CENPP: variants seen among roughly 807,000 people sequenced by gnomAD.
CENPP encodes the protein centromere protein P.
CENPP carries 24 observed loss-of-function variants against 35.6 expected under a neutral mutation model. The ratio of observed to expected loss-of-function variants is 0.67; its 90% CI spans 0.49 to 0.95. The LOEUF (loss-of-function observed/expected upper bound fraction) is 0.95, where lower values mean the gene tolerates loss of function less well. CENPP is among the 40% of genes least tolerant of loss of function. The pLI is 0.00. For missense variants in CENPP, 332 were observed against 345.3 expected, an observed-to-expected ratio of 0.96 and a Z score of 0.31; for synonymous variants, 120 against 125.5, an observed-to-expected ratio of 0.96 and a Z score of 0.29.
At chr9:92,601,554 T>G (rs1040112814) in intron 5 of CENPP, among the ~76,000 whole-genome samples, 5 of 152,196 alleles carry the variant, frequency 3.3e-5, no homozygotes, top group African/African-American at 1.2e-4. Flanking sequence ...AGCCCTCATT[T>G]AAACGCCACG....
At chr9:92,418,519 T>C (rs1267397525) in intron 5 of CENPP, among the ~76,000 whole-genome samples, 1 of 152,110 alleles carries the variant, frequency 6.6e-6, no homozygotes, top group Non-Finnish European at 1.5e-5. Context: ...AGATCTATGA[T>C]AATAGCATGA....
intron 5 of CENPP, among the ~76,000 whole-genome samples, chr9:92,438,586 G>T (rs891197166): frequency 6.6e-6 from 1 of 152,118 alleles, no homozygotes; most frequent in African/African-American, 2.4e-5. Flanking sequence ...TTTTGAGATT[G>T]GTGTGTCTAC....
chr9:92,375,710 T>G (rs1175307921), intron 4 of CENPP, among the ~76,000 whole-genome samples: 2 of 152,186 alleles, frequency 1.3e-5, no homozygotes, highest in African/African-American at 4.8e-5. Flanking sequence ...TAAAAAAATT[T>G]CTCTCTTTAT....
intron 5 of CENPP, among the ~76,000 whole-genome samples, chr9:92,551,931 A>G (rs866773352): frequency 0.032 from 2,101 of 65,878 alleles, 130 homozygotes; most frequent in African/African-American, 0.16. Flanking sequence ...GTGTGTATAT[A>G]TATATATATA....
chr9:92,594,772 T>C lies in CENPP; in HGVS notation c.565-16542T>C, dbSNP rs1234550679. On this transcript the variant is annotated intron_variant, in intron 5 of 7. Transcript: ENST00000375587. ...GAGTTTGAGACCATCCTGGACAACA[T>C]AGCAAGACCCCATCTCTACAAACAT... 5.9e-5 allele frequency among the ~76,000 whole-genome samples: 9 copies of C among 152,080 alleles called. No individual in the cohort carries two copies. The East Asian group carries it at 1.5e-3, about 26-fold the overall frequency.
At chr9:92,386,401 TTG>T in intron 5 of CENPP, 1 of 702,240 alleles carries the variant, frequency 1.4e-6, no homozygotes, top group Non-Finnish European at 2.5e-6. Context: ...ATATACAGAC[TTG>T]CATATTGATA....
chr9:92,512,087 C>T, intron 5 of CENPP: 2 of 1,613,754 alleles, frequency 1.2e-6, no homozygotes, highest in East Asian at 2.2e-5. Flanking sequence ...ATTTGGTAAT[C>T]CATTAAATGC....
intron 5 of CENPP, among the ~76,000 whole-genome samples, chr9:92,409,395 T>C (rs1843386925): frequency 6.6e-6 from 1 of 152,230 alleles, no homozygotes; most frequent in Non-Finnish European, 1.5e-5. Context: ...AAAAATTATG[T>C]AGAACAGACA....
chr9:92,509,670 T>C (rs904594775), intron 5 of CENPP, among the ~76,000 whole-genome samples: 1 of 152,232 alleles, frequency 6.6e-6, no homozygotes, highest in Non-Finnish European at 1.5e-5. Context: ...CCTGGAATCA[T>C]TGAGAAACAA....
intron 3 of CENPP, among the ~76,000 whole-genome samples, chr9:92,344,594 C>T (rs185616450): frequency 6.6e-6 from 1 of 152,128 alleles, no homozygotes; most frequent in Non-Finnish European, 1.5e-5. Context: ...GTTGCGCAGG[C>T]TGTAGTGCAG....
At chr9:92,599,372 G>A (rs1306291971) in intron 5 of CENPP, among the ~76,000 whole-genome samples, 2 of 152,074 alleles carry the variant, frequency 1.3e-5, no homozygotes, top group African/African-American at 2.4e-5. Context: ...GTGCCATACG[G>A]GAGGGATTGT....
At position 92,619,801 on chromosome 9, in the gene CENPP, C is replaced by CA. The variant is rs1199968492; in HGVS notation, c.*6653dup. The CA allele has an allele frequency of 1.8e-6, 1 of 547,338 alleles. No homozygotes were observed. The highest frequency in any genetic ancestry group is 1.9e-5 in the African/African-American group (1 of 52,928). 33.9% of individuals were successfully genotyped at this position (547,338 alleles called of 1,614,324 possible). A position where few individuals can be genotyped will look rare whatever the true frequency, so the allele number is the denominator to read the frequency against. On this transcript the variant is annotated 3_prime_UTR_variant, in exon 8 of 8. Coordinates refer to ENST00000375587, the MANE Select transcript of CENPP (RefSeq NM_001012267.3). ...AGGCCAGCACCGCCCCCTGACCTCT[C>CA]ACGGCAAGCAGTGTGGGACCCCGAC...
chr9:92,532,527 T>G (rs1482124142), intron 5 of CENPP, among the ~76,000 whole-genome samples: 2 of 152,138 alleles, frequency 1.3e-5, no homozygotes, highest in Non-Finnish European at 2.9e-5. Context: ...TTGTATTTTT[T>G]GTTTGTCTAT....
intron 3 of CENPP, among the ~76,000 whole-genome samples, chr9:92,342,559 TTCTC>T (rs917474013): frequency 2.0e-5 from 3 of 151,998 alleles, no homozygotes; most frequent in Admixed American, 2.0e-4. Flanking sequence ...AACTCTCACT[TTCTC>T]TCTGAGCCTT....
chr9:92,345,836 C>T (rs774342804), intron 4 of CENPP, 49 bp downstream of exon 4: 6 of 1,111,934 alleles, frequency 5.4e-6, no homozygotes, highest in African/African-American at 3.1e-5. Context: ...AGTAAATTTA[C>T]ACTTTACAGT....
intron 5 of CENPP, among the ~76,000 whole-genome samples, chr9:92,564,282 G>A (rs1450184975): frequency 5.9e-5 from 9 of 151,912 alleles, no homozygotes; most frequent in East Asian, 1.9e-4. Flanking sequence ...CCAGCTGCTC[G>A]GGCGGCTGAG....
intron 4 of CENPP, among the ~76,000 whole-genome samples, chr9:92,375,178 G>A (rs1842095960): frequency 6.6e-6 from 1 of 151,414 alleles, no homozygotes; most frequent in African/African-American, 2.4e-5. Flanking sequence ...TTATGTATAT[G>A]TTAGTACTTT....
intron 5 of CENPP, among the ~76,000 whole-genome samples, chr9:92,574,167 C>G (rs181997779): frequency 6.6e-6 from 1 of 152,246 alleles, no homozygotes; most frequent in Non-Finnish European, 1.5e-5. Context: ...GCATCGCTCA[C>G]GCTGGGAGCT....
At chr9:92,574,703 C>T (rs1294190623) in intron 5 of CENPP, among the ~76,000 whole-genome samples, 1 of 152,114 alleles carries the variant, frequency 6.6e-6, no homozygotes, top group East Asian at 1.9e-4. Flanking sequence ...ATGTTTTTCG[C>T]AGAAATAGAA....
Sources: allele counts gnomAD v4.1 joint callset (sites outside exome capture counted in the v4.1 genomes callset), GRCh38; gene constraint gnomAD v4.1.1; transcripts MANE v1.5; gene names NCBI Gene and HGNC (gene_info 2026-07-23, HGNC 2026-07-21).